The following WWOX variants were observed in gnomAD, a reference collection of about 807,000 sequenced individuals.
WWOX encodes the protein WW domain containing oxidoreductase, also known as WW domain-containing oxidoreductase.
WWOX carries 69 observed loss-of-function variants against 46.2 expected under a neutral mutation model. That is an observed-to-expected ratio of 1.49 (90% CI 1.23 to 1.82). The LOEUF (loss-of-function observed/expected upper bound fraction) is 1.82. WWOX is among the 40% of genes most tolerant of loss of function. WWOX has a pLI of 0.00. For synonymous variants in WWOX, 359 were observed against 202.6 expected, an observed-to-expected ratio of 1.77 and a Z score of -6.56; for missense variants, 919 against 542.6, an observed-to-expected ratio of 1.69 and a Z score of -6.89.
At chr16:78,677,088 T>G (rs1444440375) in intron 8 of WWOX, among the ~76,000 whole-genome samples, 2 of 152,140 alleles carry the variant, frequency 1.3e-5, no homozygotes, top group African/African-American at 2.4e-5. Context: ...GAGCTGTTTT[T>G]GCATTCAAAT....
intron 8 of WWOX, among the ~76,000 whole-genome samples, chr16:78,635,776 T>C (rs1017393063): frequency 6.6e-6 from 1 of 152,198 alleles, no homozygotes; most frequent in Non-Finnish European, 1.5e-5. Context: ...GCCCTTGAGC[T>C]GGATGTCCAT....
chr16:78,311,348 C>T (rs766224150), intron 5 of WWOX, among the ~76,000 whole-genome samples: 1 of 152,134 alleles, frequency 6.6e-6, no homozygotes, highest in Non-Finnish European at 1.5e-5. Context: ...CAGAGTCAAG[C>T]TTGGAGAATT....
intron 8 of WWOX, among the ~76,000 whole-genome samples, chr16:79,021,492 GA>G (rs1352015956): frequency 6.6e-6 from 1 of 152,130 alleles, no homozygotes; most frequent in Non-Finnish European, 1.5e-5. Flanking sequence ...TAACTCATGG[GA>G]TCTAGTAACA....
chr16:78,908,039 C>T (rs1248295463), intron 8 of WWOX, among the ~76,000 whole-genome samples: 1 of 152,162 alleles, frequency 6.6e-6, no homozygotes, highest in Non-Finnish European at 1.5e-5. Context: ...GAAGCCCTGG[C>T]ATACTAACCG....
At chr16:78,405,811 C>T (rs907957392) in intron 6 of WWOX, among the ~76,000 whole-genome samples, 2 of 152,100 alleles carry the variant, frequency 1.3e-5, no homozygotes, top group African/African-American at 4.8e-5. Context: ...ATAGGGGACA[C>T]AGCTGTGGCT....
chr16:78,734,113 T>C (rs888962659), intron 8 of WWOX, among the ~76,000 whole-genome samples: 1 of 152,000 alleles, frequency 6.6e-6, no homozygotes, highest in Non-Finnish European at 1.5e-5. Flanking sequence ...CATCTATTCA[T>C]ACACACACGT....
chr16:78,697,491 A>C (rs2048125998), intron 8 of WWOX, among the ~76,000 whole-genome samples: 1 of 151,094 alleles, frequency 6.6e-6, no homozygotes, highest in Non-Finnish European at 1.5e-5. Flanking sequence ...GAGAAAATCT[A>C]TACAAATCTA....
intron 8 of WWOX, among the ~76,000 whole-genome samples, chr16:78,610,273 C>T (rs966490687): frequency 3.3e-5 from 5 of 152,100 alleles, no homozygotes; most frequent in African/African-American, 1.2e-4. Context: ...ATGAAGTACA[C>T]TAGAAGGTTA....
intron 8 of WWOX, among the ~76,000 whole-genome samples, chr16:79,100,578 T>C (rs1372230377): frequency 6.6e-6 from 1 of 152,188 alleles, no homozygotes; most frequent in African/African-American, 2.4e-5. Context: ...GCTCTTTTCC[T>C]ATACAAGTCA....
intron 4 of WWOX, among the ~76,000 whole-genome samples, chr16:78,121,091 T>G (rs143270436): frequency 6.6e-6 from 1 of 152,290 alleles, no homozygotes; most frequent in African/African-American, 2.4e-5. Context: ...TCATTGCACT[T>G]GGGATCTTGA....
chr16:78,937,092 C>T (rs1329515631), intron 8 of WWOX, among the ~76,000 whole-genome samples: 1 of 152,096 alleles, frequency 6.6e-6, no homozygotes, highest in Admixed American at 6.6e-5. Flanking sequence ...AAAATAGCTT[C>T]TCAGTAATTC....
At chr16:78,321,189 A>T (rs1255749564) in intron 5 of WWOX, among the ~76,000 whole-genome samples, 1 of 151,776 alleles carries the variant, frequency 6.6e-6, no homozygotes, top group East Asian at 1.9e-4. Flanking sequence ...TCTTTCTGGA[A>T]CAGGAGTTTT....
At chr16:78,514,693 G>T (rs2085446368) in intron 8 of WWOX, among the ~76,000 whole-genome samples, 1 of 152,146 alleles carries the variant, frequency 6.6e-6, no homozygotes, top group South Asian at 2.1e-4. Flanking sequence ...TTATTATTAA[G>T]TGGAATAAGC....
At chr16:78,935,573 A>G (rs961885656) in intron 8 of WWOX, among the ~76,000 whole-genome samples, 1 of 144,946 alleles carries the variant, frequency 6.9e-6, no homozygotes, top group Non-Finnish European at 1.5e-5. Flanking sequence ...ACTTGGACAC[A>G]GGAAGGGGAA....
At chr16:78,780,166 C>A (rs991731524) in intron 8 of WWOX, among the ~76,000 whole-genome samples, 41 of 152,294 alleles carry the variant, frequency 2.7e-4, no homozygotes, top group African/African-American at 8.7e-4. Context: ...CCTGCATCCC[C>A]TCCTCTCCAG....
rs978614178 is a variant in WWOX, at chr16:78,349,673, C to G, written c.517-37187C>G. ...CCCTTCCGACAATCCTTCATCCTTCCCAGACGTTTCATCAGCCAGGTGAAA... is the reference window on the plus strand; with the variant it reads ...CCCTTCCGACAATCCTTCATCCTTCGCAGACGTTTCATCAGCCAGGTGAAA... On this transcript the variant is annotated intron_variant, in intron 5 of 8. Coordinates refer to ENST00000566780, the MANE Select transcript of WWOX (RefSeq NM_016373.4). Among the ~76,000 whole-genome samples, 6 of 120,464 alleles carry G rather than the reference C, an allele frequency of 5.0e-5. 1 individual carries two copies. The highest frequency in any genetic ancestry group is 9.9e-5 in the Non-Finnish European group (5 of 50,512). The allele number at this position is 120,464 out of a possible 152,430, so 79.0% of individuals were successfully genotyped here.
At chr16:78,657,275 C>T (rs757996775) in intron 8 of WWOX, among the ~76,000 whole-genome samples, 1 of 152,156 alleles carries the variant, frequency 6.6e-6, no homozygotes, top group Non-Finnish European at 1.5e-5. Context: ...AGACGCTCTT[C>T]TCTGGCTTCC....
At chr16:78,269,445 TG>T (rs2079431734) in intron 5 of WWOX, among the ~76,000 whole-genome samples, 1 of 152,198 alleles carries the variant, frequency 6.6e-6, no homozygotes, top group Admixed American at 6.5e-5. Context: ...GCAGCCATTC[TG>T]GTTTGACTGT....
intron 5 of WWOX, among the ~76,000 whole-genome samples, chr16:78,232,365 A>G (rs779674963): frequency 5.3e-5 from 8 of 152,210 alleles, no homozygotes; most frequent in Admixed American, 1.3e-4. Flanking sequence ...AAATTCTTGT[A>G]CAATTAACTC....
Sources: gnomAD v4.1 joint callset for allele counts (sites outside exome capture counted in the v4.1 genomes callset) on GRCh38, gnomAD v4.1.1 for gene constraint, MANE v1.5 for transcripts, NCBI Gene and HGNC (gene_info 2026-07-23, HGNC 2026-07-21) for gene names.